Variants in MIPEP observed in about 807,000 individuals in gnomAD.
MIPEP encodes mitochondrial intermediate peptidase.
A neutral mutation model predicts 90.3 loss-of-function variants in MIPEP; 79 were observed. The ratio of observed to expected loss-of-function variants is 0.87; its 90% CI spans 0.73 to 1.05. MIPEP has a LOEUF of 1.05. Among genes scored for constraint, MIPEP ranks in the 50% least tolerant of loss-of-function variants. MIPEP has a pLI of 0.00. For missense variants in MIPEP, 940 were observed against 905.6 expected (o/e 1.04, Z -0.49); for synonymous variants, 334 against 315.8 (o/e 1.06, Z -0.61).
At chr13:23,809,790 G>A in intron 15 of MIPEP, 60 bp downstream of exon 15, 1 of 1,012,190 alleles carries the variant, frequency 9.9e-7, no homozygotes, top group Non-Finnish European at 1.5e-6. Flanking sequence ...AGAATGTAAA[G>A]TTATATATTT....
At chr13:23,760,684 T>C (rs528690367) in intron 16 of MIPEP, 16 of 463,500 alleles carry the variant, frequency 3.5e-5, no homozygotes, top group Non-Finnish European at 7.1e-5. Context: ...TAAATTTCTG[T>C]TGTTTAAGCC....
intron 16 of MIPEP, among the ~76,000 whole-genome samples, chr13:23,775,408 G>A (rs975657329): frequency 6.6e-6 from 1 of 152,076 alleles, no homozygotes; most frequent in African/African-American, 2.4e-5. Flanking sequence ...CTCTTTTTAG[G>A]CTGGGGATCA....
chr13:23,884,940 T>A (rs891407520), intron 2 of MIPEP, among the ~76,000 whole-genome samples: 6 of 152,182 alleles, frequency 3.9e-5, no homozygotes, highest in African/African-American at 1.4e-4. Flanking sequence ...AGTCAGCTCC[T>A]TCAAGCTGAT....
intron 4 of MIPEP, among the ~76,000 whole-genome samples, chr13:23,876,073 G>A (rs1214017043): frequency 6.6e-6 from 1 of 152,092 alleles, no homozygotes; most frequent in Non-Finnish European, 1.5e-5. Context: ...ATCCTTGTTT[G>A]TTTCCTTAGG....
intron 18 of MIPEP, among the ~76,000 whole-genome samples, chr13:23,736,198 G>C (rs1001127024): frequency 1.3e-5 from 2 of 152,120 alleles, no homozygotes; most frequent in Admixed American, 1.3e-4. Context: ...GAGAATGAAT[G>C]GATCTTGCCA....
chr13:23,874,167 G>A (rs376595970), intron 5 of MIPEP, among the ~76,000 whole-genome samples: 4 of 152,180 alleles, frequency 2.6e-5, no homozygotes, highest in Non-Finnish European at 5.9e-5. Flanking sequence ...GCAGGTGAGT[G>A]GGGGAGACTG....
intron 16 of MIPEP, among the ~76,000 whole-genome samples, chr13:23,775,290 T>C (rs1219032770): frequency 6.6e-6 from 1 of 152,212 alleles, no homozygotes; most frequent in African/African-American, 2.4e-5. Context: ...CAGTACAATA[T>C]TGAATAGAAG....
At chr13:23,880,923 G>A (rs1442681188) in intron 3 of MIPEP, among the ~76,000 whole-genome samples, 1 of 152,136 alleles carries the variant, frequency 6.6e-6, no homozygotes, top group Non-Finnish European at 1.5e-5. Flanking sequence ...TTTCCCTGTT[G>A]TAAATCCACG....
intron 16 of MIPEP, among the ~76,000 whole-genome samples, chr13:23,801,197 G>A (rs559902128): frequency 8.5e-5 from 13 of 152,278 alleles, no homozygotes; most frequent in South Asian, 2.1e-4. Context: ...ATGGGAAGGC[G>A]CTACAAAGTC....
chr13:23,888,816 G>T, intron 1 of MIPEP: 1 of 970,592 alleles, frequency 1.0e-6, no homozygotes, highest in Non-Finnish European at 1.3e-6. Context: ...CTGAGTGTAT[G>T]CAGAGGGCGG....
intron 16 of MIPEP, among the ~76,000 whole-genome samples, chr13:23,767,003 A>G (rs1952597188): frequency 6.6e-6 from 1 of 152,212 alleles, no homozygotes; most frequent in Non-Finnish European, 1.5e-5. Context: ...GGGAAAGCCC[A>G]CTGTCAGAGG....
At chr13:23,736,211 A>C (rs1952261885) in intron 18 of MIPEP, among the ~76,000 whole-genome samples, 3 of 152,248 alleles carry the variant, frequency 2.0e-5, no homozygotes, top group Non-Finnish European at 4.4e-5. Flanking sequence ...TCTTGCCAAA[A>C]GGACTCAAAC....
Position 23,732,045 on chromosome 13 carries a change from A to C in MIPEP, c.2045-1600T>G, listed in dbSNP as rs910631677. Among the ~76,000 whole-genome samples, 10 of 142,134 alleles carry C rather than the reference A, an allele frequency of 7.0e-5. 2 individuals carry two copies. The highest frequency in any genetic ancestry group is 2.6e-4 in the African/African-American group (10 of 38,360). The allele number at this position is 142,134 out of a possible 152,430, so 93.2% of individuals were successfully genotyped here. A position where few individuals can be genotyped will look rare whatever the true frequency, so the allele number is the denominator to read the frequency against. ...CAGGCCTGGACAACACAGCATGTGC[A>C]GTGGTGTGAACATGGCTCACTGCAG... On this transcript the variant is annotated intron_variant, in intron 18 of 18. Coordinates refer to ENST00000382172, the MANE Select transcript of MIPEP (RefSeq NM_005932.4).
At chr13:23,743,785 C>A (rs1474034809) in intron 18 of MIPEP, among the ~76,000 whole-genome samples, 1 of 152,242 alleles carries the variant, frequency 6.6e-6, no homozygotes, top group Non-Finnish European at 1.5e-5. Flanking sequence ...AACACACCCA[C>A]ACATTAAACA....
At chr13:23,844,220 G>A (rs1869433834) in intron 10 of MIPEP, among the ~76,000 whole-genome samples, 1 of 152,194 alleles carries the variant, frequency 6.6e-6, no homozygotes, top group Non-Finnish European at 1.5e-5. Flanking sequence ...CAGAGGGAGG[G>A]GTGGGAAGGA....
chr13:23,875,170 C>T (rs79301298), intron 4 of MIPEP, among the ~76,000 whole-genome samples: 20,440 of 151,640 alleles, frequency 0.13, 1,474 homozygotes, highest in African/African-American at 0.17. Flanking sequence ...AGAGCTTATT[C>T]CTTTATTCAG....
At chr13:23,809,760 A>T in intron 15 of MIPEP, 90 bp downstream of exon 15, 1 of 815,764 alleles carries the variant, frequency 1.2e-6, no homozygotes, top group Non-Finnish European at 2.0e-6. Context: ...AATTATTATA[A>T]TAAATAGGTA....
intron 14 of MIPEP, among the ~76,000 whole-genome samples, chr13:23,813,832 C>A (rs763054984): frequency 6.6e-6 from 1 of 152,178 alleles, no homozygotes; most frequent in African/African-American, 2.4e-5. Context: ...AGAAGGTTGA[C>A]TGTAATTCAA....
intron 10 of MIPEP, among the ~76,000 whole-genome samples, chr13:23,845,044 C>G (rs1869471709): frequency 6.6e-6 from 1 of 152,182 alleles, no homozygotes; most frequent in Admixed American, 6.5e-5. Flanking sequence ...TTCCTATGCA[C>G]ACTCTTAGAA....
Sources: allele counts gnomAD v4.1 joint callset (sites outside exome capture counted in the v4.1 genomes callset), GRCh38; gene constraint gnomAD v4.1.1; transcripts MANE v1.5; gene names NCBI Gene and HGNC (gene_info 2026-07-23, HGNC 2026-07-21).